Variants in LINGO2 observed in about 807,000 individuals in gnomAD.
LINGO2 encodes leucine-rich repeat and immunoglobulin-like domain-containing nogo receptor-interacting protein 2.
LINGO2 carries 14 observed loss-of-function variants against 30.6 expected under a neutral mutation model. That is an observed-to-expected ratio of 0.46 (90% CI 0.30 to 0.72). The LOEUF is 0.72. Among genes scored for constraint, LINGO2 ranks in the 30% least tolerant of loss-of-function variants. The pLI is 0.07. For missense variants in LINGO2, 729 were observed against 751.7 expected (o/e 0.97, Z 0.35); for synonymous variants, 317 against 288.5 (o/e 1.10, Z -1.00).
chr9:28,291,490 G>A (rs917983638), intron 4 of LINGO2, among the ~76,000 whole-genome samples: 4 of 152,246 alleles, frequency 2.6e-5, no homozygotes, highest in Admixed American at 6.5e-5. Flanking sequence ...TGCTCTGCCC[G>A]TATGGAAGTT....
chr9:28,994,512 A>C, the LINGO2 span, among the ~76,000 whole-genome samples: 9 of 151,338 alleles, frequency 5.9e-5, no homozygotes, highest in East Asian at 7.8e-4. Context: ...GAATTGGAAA[A>C]AACTACTTTA....
At chr9:28,761,826 T>C in the LINGO2 span, among the ~76,000 whole-genome samples, 1 of 151,976 alleles carries the variant, frequency 6.6e-6, no homozygotes, top group Non-Finnish European at 1.5e-5. Flanking sequence ...TGACAAATGG[T>C]GATGTCAAGT....
At chr9:28,974,798 A>C in the LINGO2 span, among the ~76,000 whole-genome samples, 1 of 152,052 alleles carries the variant, frequency 6.6e-6, no homozygotes, top group African/African-American at 2.4e-5. Flanking sequence ...TTCTACTTGC[A>C]AAGTTCTTAG....
chr9:28,463,419 A>C (rs536628815), intron 2 of LINGO2, among the ~76,000 whole-genome samples: 3 of 152,100 alleles, frequency 2.0e-5, no homozygotes, highest in Admixed American at 6.5e-5. Flanking sequence ...TGGGATGAAG[A>C]AAAATGAGAA....
chr9:28,483,444 G>A (rs1826053201), intron 1 of LINGO2, among the ~76,000 whole-genome samples: 1 of 151,870 alleles, frequency 6.6e-6, no homozygotes, highest in Non-Finnish European at 1.5e-5. Flanking sequence ...GTTTTGTATT[G>A]AGTGCAGGGT....
the LINGO2 span, among the ~76,000 whole-genome samples, chr9:29,085,306 A>T: frequency 3.5e-5 from 5 of 144,872 alleles, no homozygotes; most frequent in African/African-American, 1.3e-4. Flanking sequence ...AAAAAAAAAA[A>T]AAAAAGAATA....
chr9:28,985,538 C>CACTG, the LINGO2 span, among the ~76,000 whole-genome samples: 2 of 152,102 alleles, frequency 1.3e-5, no homozygotes, highest in African/African-American at 4.8e-5. Flanking sequence ...TATCCTTCAT[C>CACTG]TTTTTGATAA....
At chr9:28,242,355 A>AGTGGAAGAAAGAGTATCAGAG (rs1329156942) in intron 4 of LINGO2, among the ~76,000 whole-genome samples, 1 of 152,186 alleles carries the variant, frequency 6.6e-6, no homozygotes, top group Admixed American at 6.5e-5. Flanking sequence ...GAATTGATCA[A>AGTGGAAGAAAGAGTATCAGAG]GTGGAAGAAA....
intron 4 of LINGO2, among the ~76,000 whole-genome samples, chr9:28,164,634 T>G (rs1041952373): frequency 6.6e-6 from 1 of 152,184 alleles, no homozygotes; most frequent in Non-Finnish European, 1.5e-5. Flanking sequence ...AAAGGTCACC[T>G]TGATATCAGG....
the LINGO2 span, among the ~76,000 whole-genome samples, chr9:28,747,118 C>G: frequency 6.6e-6 from 1 of 151,944 alleles, no homozygotes; most frequent in Non-Finnish European, 1.5e-5. Context: ...ACCACACCCC[C>G]CTATCCTGTA....
At chr9:28,372,480 T>C (rs977505014) in intron 3 of LINGO2, among the ~76,000 whole-genome samples, 2 of 152,098 alleles carry the variant, frequency 1.3e-5, no homozygotes, top group African/African-American at 4.8e-5. Flanking sequence ...AAATAGAGAA[T>C]AGAATGGTGG....
chr9:28,634,687 T>C (rs1827173757), intron 1 of LINGO2, among the ~76,000 whole-genome samples: 1 of 151,912 alleles, frequency 6.6e-6, no homozygotes, highest in South Asian at 2.1e-4. Context: ...GGTTCCATCA[T>C]TTTGGCCAGG....
the LINGO2 span, among the ~76,000 whole-genome samples, chr9:28,720,305 G>A: frequency 2.6e-5 from 4 of 152,028 alleles, no homozygotes; most frequent in Non-Finnish European, 5.9e-5. Context: ...GACATTCAGA[G>A]ATGTTTCTGA....
chr9:28,528,377 GT>G (rs1821107028), intron 1 of LINGO2, among the ~76,000 whole-genome samples: 1 of 152,154 alleles, frequency 6.6e-6, no homozygotes, highest in Non-Finnish European at 1.5e-5. Context: ...CTATGGTCTA[GT>G]TTCAGAAAGA....
In LINGO2 at chr9:28,069,203, A is replaced by G. The variant is rs562552728; in HGVS notation, c.-86-56798T>C. Among the ~76,000 whole-genome samples the G allele has an allele frequency of 9.9e-5, 15 of 152,284 alleles. No individual in the cohort carries two copies. In the South Asian group the frequency reaches 3.1e-3, roughly 32 times the overall value. ...GGTGAAATGAGGATGTAAGCAAGAAAGAAAAAGAGAGATTAAGGGTTCGAT... is the reference window on the plus strand; with the variant it reads ...GGTGAAATGAGGATGTAAGCAAGAAGGAAAAAGAGAGATTAAGGGTTCGAT... On this transcript the variant is annotated intron_variant, in intron 4 of 5. Coordinates refer to ENST00000379992, the Ensembl canonical transcript of LINGO2.
chr9:28,781,464 AAAT>A, the LINGO2 span, among the ~76,000 whole-genome samples: 1 of 152,202 alleles, frequency 6.6e-6, no homozygotes, highest in Non-Finnish European at 1.5e-5. Flanking sequence ...CTCCTTATTC[AAAT>A]AATAGCAAAA....
chr9:28,764,628 T>C, the LINGO2 span, among the ~76,000 whole-genome samples: 2 of 151,934 alleles, frequency 1.3e-5, no homozygotes, highest in East Asian at 3.9e-4. Flanking sequence ...TTCTATTCAA[T>C]ATAGTACTGG....
the LINGO2 span, among the ~76,000 whole-genome samples, chr9:28,865,216 G>C: frequency 4.6e-5 from 7 of 152,140 alleles, no homozygotes; most frequent in Non-Finnish European, 8.8e-5. Flanking sequence ...TACAGTTAGA[G>C]TAGGTGAACA....
At chr9:28,854,807 C>T in the LINGO2 span, among the ~76,000 whole-genome samples, 2 of 151,778 alleles carry the variant, frequency 1.3e-5, no homozygotes, top group African/African-American at 4.8e-5. Flanking sequence ...CTGTTAGCTG[C>T]CAAAATTTGC....
Sources: gnomAD v4.1 joint callset for allele counts (sites outside exome capture counted in the v4.1 genomes callset) on GRCh38, gnomAD v4.1.1 for gene constraint, MANE v1.5 for transcripts, NCBI Gene and HGNC (gene_info 2026-07-23, HGNC 2026-07-21) for gene names.